The following RCOR1 variants were observed in gnomAD, a reference collection of about 807,000 sequenced individuals.
RCOR1 encodes REST corepressor 1.
Under a neutral mutation model 64.0 loss-of-function variants are expected in RCOR1, and 12 were observed. The observed-to-expected ratio is 0.19, with a 90% CI of 0.12 to 0.30. The LOEUF is 0.30. RCOR1 is among the 10% of genes least tolerant of loss of function. RCOR1 has a pLI of 1.00. For missense variants in RCOR1, 502 were observed against 621.2 expected (o/e 0.81, Z 2.04); for synonymous variants, 279 against 227.2 (o/e 1.23, Z -2.05).
intron 2 of RCOR1, among the ~76,000 whole-genome samples, chr14:102,601,805 C>T (rs572451007): frequency 3.0e-4 from 46 of 152,308 alleles, no homozygotes; most frequent in Admixed American, 9.2e-4. Flanking sequence ...GTTAACTACA[C>T]TCCTTGCAAC....
rs143365572 is a variant in RCOR1, at chr14:102,596,593, C to G, written c.361+3268C>G. Among the ~76,000 whole-genome samples, 872 of 151,744 alleles carry G rather than the reference C, an allele frequency of 5.7e-3. 13 individuals are homozygous for G. Among genetic ancestry groups the G allele is most frequent in the African/African-American group, 0.019 (806 of 41,362 alleles). ...TTTCTTTTATTTTTTGAGACCAAGT[C>G]TCACTCTGTTGCCCAGGCTGGAGTG... On this transcript the variant is annotated intron_variant, in intron 2 of 11. Transcript: ENST00000262241.
chr14:102,711,054 A>G, intron 7 of RCOR1, 41 bp downstream of exon 7: 1 of 1,279,302 alleles, frequency 7.8e-7, no homozygotes, highest in Non-Finnish European at 1.1e-6. Flanking sequence ...AATAAATTTT[A>G]TTACTAGTTT....
intron 2 of RCOR1, among the ~76,000 whole-genome samples, chr14:102,609,727 G>A (rs1042143768): frequency 6.6e-6 from 1 of 151,946 alleles, no homozygotes; most frequent in East Asian, 1.9e-4. Context: ...GATTACAGGC[G>A]TGAAAATGCT....
intron 2 of RCOR1, among the ~76,000 whole-genome samples, chr14:102,676,417 G>A (rs1309275091): frequency 7.9e-6 from 1 of 127,248 alleles, no homozygotes; most frequent in Non-Finnish European, 1.6e-5. Flanking sequence ...GGGGCGGCCA[G>A]GCAGAGGCGC....
intron 6 of RCOR1, among the ~76,000 whole-genome samples, chr14:102,710,262 T>G (rs1016740235): frequency 3.3e-5 from 5 of 152,222 alleles, no homozygotes; most frequent in Admixed American, 3.3e-4. Flanking sequence ...TTCTGTAGAC[T>G]TAGTTTTCTT....
At chr14:102,659,198 TTAGA>T (rs1288698339) in intron 2 of RCOR1, 1 of 984,276 alleles carries the variant, frequency 1.0e-6, no homozygotes. Flanking sequence ...CCATAAATAC[TTAGA>T]TAAATTACTG....
intron 2 of RCOR1, among the ~76,000 whole-genome samples, chr14:102,635,155 A>T (rs1894210278): frequency 6.6e-6 from 1 of 152,108 alleles, no homozygotes; most frequent in Admixed American, 6.6e-5. Flanking sequence ...AGTTTTTCTT[A>T]TGCAAACTTT....
At chr14:102,600,076 AATT>A (rs1283709644) in intron 2 of RCOR1, among the ~76,000 whole-genome samples, 1 of 148,842 alleles carries the variant, frequency 6.7e-6, no homozygotes, top group Non-Finnish European at 1.5e-5. Context: ...TTATTTATTT[AATT>A]ATTATTATTA....
intron 3 of RCOR1, among the ~76,000 whole-genome samples, chr14:102,687,747 G>C (rs189076787): frequency 3.9e-5 from 6 of 152,278 alleles, no homozygotes; most frequent in Non-Finnish European, 8.8e-5. Context: ...GAGTACAGTT[G>C]ACTCATATGA....
intron 2 of RCOR1, among the ~76,000 whole-genome samples, chr14:102,655,710 T>C (rs1434928761): frequency 6.6e-6 from 1 of 152,098 alleles, no homozygotes; most frequent in Non-Finnish European, 1.5e-5. Context: ...CCTAGCACTT[T>C]GGGAGGCTGA....
chr14:102,599,981 C>T (rs751336993), intron 2 of RCOR1, among the ~76,000 whole-genome samples: 2 of 152,136 alleles, frequency 1.3e-5, no homozygotes, highest in African/African-American at 2.4e-5. Flanking sequence ...AGGCTGGTCT[C>T]TAACTCTTGT....
chr14:102,700,970 A>C (rs528990375), intron 3 of RCOR1, among the ~76,000 whole-genome samples: 1 of 152,358 alleles, frequency 6.6e-6, no homozygotes, highest in African/African-American at 2.4e-5. Flanking sequence ...CATATTTTAC[A>C]TGGATGGCGG....
chr14:102,728,849 C>T lies in RCOR1; in HGVS notation c.*2343C>T, dbSNP rs2139999813. On this transcript the variant is annotated 3_prime_UTR_variant, in exon 12 of 12. Coordinates refer to ENST00000262241, the MANE Select transcript of RCOR1 (RefSeq NM_015156.4). ...GAAAATGGGAGCTGTCCTTGACTGC[C>T]TTTGTTGTGCTTTCCCGCGTAAGAT... 6.6e-6 allele frequency: 1 copy of T among 152,256 alleles called. No homozygotes were observed. The highest frequency in any genetic ancestry group is 1.5e-5 in the Non-Finnish European group (1 of 68,004). The allele number at this position is 152,256 out of a possible 1,614,324, so 9.4% of individuals were successfully genotyped here.
intron 3 of RCOR1, among the ~76,000 whole-genome samples, chr14:102,694,165 C>A (rs1475691647): frequency 6.6e-6 from 1 of 152,218 alleles, no homozygotes; most frequent in Non-Finnish European, 1.5e-5. Flanking sequence ...CCAAGATAAG[C>A]TTCAGACAAG....
chr14:102,675,047 CAA>C (rs761294133), intron 2 of RCOR1, among the ~76,000 whole-genome samples: 13,355 of 62,416 alleles, frequency 0.21, 348 homozygotes, highest in East Asian at 0.29. Context: ...GACTCCACCT[CAA>C]AAAAAAAAAA....
chr14:102,601,403 A>ATAT, intron 2 of RCOR1, among the ~76,000 whole-genome samples: 2 of 152,318 alleles, frequency 1.3e-5, no homozygotes, highest in East Asian at 3.9e-4. Flanking sequence ...CAGTTGGTTT[A>ATAT]TATTATTTCT....
chr14:102,676,637 T>C (rs1330874166), intron 2 of RCOR1, among the ~76,000 whole-genome samples: 15 of 77,122 alleles, frequency 1.9e-4, no homozygotes, highest in Admixed American at 2.6e-4. Flanking sequence ...GGGGGGCTGA[T>C]CCCCCCACCT....
chr14:102,637,116 T>C (rs1032825105), intron 2 of RCOR1, among the ~76,000 whole-genome samples: 1 of 150,880 alleles, frequency 6.6e-6, no homozygotes, highest in Non-Finnish European at 1.5e-5. Flanking sequence ...TTTTTGTTTG[T>C]TTGTTTGTTT....
intron 2 of RCOR1, among the ~76,000 whole-genome samples, chr14:102,641,377 A>G (rs923252767): frequency 2.7e-4 from 41 of 152,248 alleles, no homozygotes; most frequent in Non-Finnish European, 4.9e-4. Flanking sequence ...AGGCGGGTGG[A>G]TCACTTGAGC....
Sources: gnomAD v4.1 joint callset for allele counts (sites outside exome capture counted in the v4.1 genomes callset) on GRCh38, gnomAD v4.1.1 for gene constraint, MANE v1.5 for transcripts, NCBI Gene and HGNC (gene_info 2026-07-23, HGNC 2026-07-21) for gene names.